CBL: variants seen among roughly 807,000 people sequenced by gnomAD.
The protein encoded by CBL is E3 ubiquitin-protein ligase CBL.
A neutral mutation model predicts 96.9 loss-of-function variants in CBL; 45 were observed. The observed-to-expected ratio is 0.46, with a 90% CI of 0.37 to 0.60. The LOEUF (loss-of-function observed/expected upper bound fraction) is 0.60, where lower values mean the gene tolerates loss of function less well. Ranked by LOEUF, CBL falls within the 20% of genes least tolerant of loss-of-function variation. CBL has a pLI of 0.00. For synonymous variants in CBL, 420 were observed against 426.8 expected, an observed-to-expected ratio of 0.98 and a Z score of 0.20; for missense variants, 1,024 against 1,143.5, an observed-to-expected ratio of 0.90 and a Z score of 1.51.
At position 119,304,860 on chromosome 11, in the gene CBL, C is replaced by CA. The variant is rs1428898924; in HGVS notation, c.*5080dup. ...AGGCTGGTCTTGAACTCCTGACCCT[C>CA]ATGATCCACCCACCTCGGCCTCCCA... On this transcript the variant is annotated 3_prime_UTR_variant, in exon 16 of 16. Transcript: ENST00000264033. 1.6e-5 allele frequency: 3 copies of CA among 188,868 alleles called. No homozygotes were observed. The highest frequency in any genetic ancestry group is 7.0e-5 in the African/African-American group (3 of 42,726). The allele number at this position is 188,868 out of a possible 1,614,324, so 11.7% of individuals were successfully genotyped here.
chr11:119,271,682 TTAAAA>T, intron 2 of CBL, 48 bp from the exon 3 acceptor site: 1 of 1,504,898 alleles, frequency 6.6e-7, no homozygotes, highest in Non-Finnish European at 9.2e-7. Context: ...TTTGGTGCAT[TTAAAA>T]TAAAAATAAT....
intron 11 of CBL, 110 bp from the exon 12 acceptor site, chr11:119,287,742 A>G: frequency 1.3e-6 from 1 of 765,462 alleles, no homozygotes; most frequent in South Asian, 1.4e-5. Context: ...TGGGCATGGC[A>G]TTGAGAGTTA....
intron 12 of CBL, among the ~76,000 whole-genome samples, chr11:119,293,748 A>G (rs982133402): frequency 2.6e-5 from 4 of 152,202 alleles, no homozygotes; most frequent in Middle Eastern, 3.2e-3. Flanking sequence ...TAATCTATAA[A>G]GAAAAGAAGT....
chr11:119,270,152 A>G (rs1404782230), intron 2 of CBL, among the ~76,000 whole-genome samples: 1 of 151,818 alleles, frequency 6.6e-6, no homozygotes. Flanking sequence ...CTGTGGCAAT[A>G]GCATTAAAGA....
At position 119,251,725 on chromosome 11, in the gene CBL, A is replaced by AC. The variant is rs36117652; in HGVS notation, c.443+19035dup. On this transcript the variant is annotated intron_variant, in intron 2 of 15. Transcript: ENST00000264033. ...ATTACAAAGAAACCCTCCTGCACCC[A>AC]CCCCCAAGAATCAGTGATAACTTTT... 8.9e-4 allele frequency among the ~76,000 whole-genome samples: 135 copies of AC among 152,220 alleles called. 1 individual carries two copies. In the East Asian group the frequency reaches 0.02, roughly 22 times the overall value.
chr11:119,236,622 T>TATATATATATATATACATAC, intron 2 of CBL, among the ~76,000 whole-genome samples: 1 of 144,356 alleles, frequency 6.9e-6, no homozygotes, highest in African/African-American at 2.6e-5. Flanking sequence ...TATATATATA[T>TATATATATATATATACATAC]ACCCATAGGA....
At chr11:119,244,241 T>C (rs1302025012) in intron 2 of CBL, among the ~76,000 whole-genome samples, 1 of 152,174 alleles carries the variant, frequency 6.6e-6, no homozygotes, top group Non-Finnish European at 1.5e-5. Context: ...AAAGTCACAG[T>C]TAGTTCTCAG....
chr11:119,274,834 C>T lies in CBL; in HGVS notation c.750C>T (p.Pro250=), dbSNP rs2135300477. 1 of 1,613,660 alleles carries T rather than the reference C, an allele frequency of 6.2e-7. No individual in the cohort carries two copies. The highest frequency in any genetic ancestry group is 8.5e-7 in the Non-Finnish European group (1 of 1,179,770). ...EFDIFTRLFQ[P]WSSLLRNWNS... ...TGTGATTGATCTTGTTTCTTTAGCC[C>T]TGGTCCTCTTTGCTCAGGAATTGGA... The change falls in exon 5 of 16, where the codon CCC becomes CCT. Residue 250 remains proline (P), a splice_region_variant and synonymous_variant. Transcript: ENST00000264033.
rs1950119516 is a variant in CBL at position 119,304,160 on chromosome 11, A to G, written c.*4379A>G. 4.3e-6 allele frequency: 1 copy of G among 233,260 alleles called. No homozygotes were observed. Among genetic ancestry groups the G allele is most frequent in the Non-Finnish European group, 8.5e-6 (1 of 118,062 alleles). The allele number at this position is 233,260 out of a possible 1,614,324, so 14.4% of individuals were successfully genotyped here. A position where few individuals can be genotyped will look rare whatever the true frequency, so the allele number is the denominator to read the frequency against. Reference sequence around the variant, plus strand: ...AGGGATTCTAAAGCTTAGTGTCCACACATCATTCTACCAGACCTTAGAGCT... The same window carrying G: ...AGGGATTCTAAAGCTTAGTGTCCACGCATCATTCTACCAGACCTTAGAGCT... On this transcript the variant is annotated 3_prime_UTR_variant, in exon 16 of 16. Coordinates refer to ENST00000264033, the MANE Select transcript of CBL (RefSeq NM_005188.4).
Position 119,301,733 on chromosome 11 carries a change from G to T in CBL, c.*1952G>T. On this transcript the variant is annotated 3_prime_UTR_variant, in exon 16 of 16. Transcript: ENST00000264033. ...ATAAAGCGGCAAAGCCCACCATTAG[G>T]TGAGGCGGTCCCGAGTTGAGGTAGA... 4.3e-6 allele frequency: 1 copy of T among 233,290 alleles called. No homozygotes were observed. Among genetic ancestry groups the T allele is most frequent in the East Asian group, 6.0e-5 (1 of 16,596 alleles). The allele number at this position is 233,290 out of a possible 1,614,324, so 14.5% of individuals were successfully genotyped here.
At chr11:119,238,424 G>A (rs1046819379) in intron 2 of CBL, among the ~76,000 whole-genome samples, 1 of 151,554 alleles carries the variant, frequency 6.6e-6, no homozygotes, top group African/African-American at 2.4e-5. Flanking sequence ...TGGCCAGGCT[G>A]GTCTCGAACT....
chr11:119,212,378 C>T (rs1198927608), intron 1 of CBL, among the ~76,000 whole-genome samples: 1 of 151,766 alleles, frequency 6.6e-6, no homozygotes, highest in Non-Finnish European at 1.5e-5. Flanking sequence ...ATAATCCCAG[C>T]ACTTTGGGAG....
Position 119,271,736 on chromosome 11 carries a change from C to T in CBL, c.445C>T (p.Arg149Ter), listed in dbSNP as rs267602720. 2 of 1,613,556 alleles carry T rather than the reference C, an allele frequency of 1.2e-6. No individual in the cohort carries two copies. Among genetic ancestry groups the T allele is most frequent in the South Asian group, 1.1e-5 (1 of 91,046 alleles). ...RMYEENSQPR[R>*]NLTKLSLIFS... ...TTATTGCATTCTGATCATTTGTAGG[C>T]GAAACCTAACCAAACTGTCCCTCAT... Residue 149 changes from arginine to a stop codon, truncating the protein, a stop_gained and splice_region_variant, in exon 3 of 16, where the codon CGA becomes TGA. Transcript: ENST00000264033. LOFTEE classifies it high-confidence loss of function.
rs1950154781 is a variant in CBL at position 119,307,546 on chromosome 11, C to G, written c.*7765C>G. On this transcript the variant is annotated 3_prime_UTR_variant, in exon 16 of 16. Coordinates refer to ENST00000264033, the MANE Select transcript of CBL (RefSeq NM_005188.4). Reference sequence around the variant, plus strand: ...GCCTGGTTTCCCCAGGGAAGGGCAGCAAGGAACATGGGACCAGAAGCCTGT... The same window carrying G: ...GCCTGGTTTCCCCAGGGAAGGGCAGGAAGGAACATGGGACCAGAAGCCTGT... The G allele has an allele frequency of 8.6e-6, 2 of 232,190 alleles. No individual in the cohort carries two copies. Among genetic ancestry groups the G allele is most frequent in the Non-Finnish European group, 1.7e-5 (2 of 117,220 alleles). The allele number at this position is 232,190 out of a possible 1,614,324, so 14.4% of individuals were successfully genotyped here.
intron 1 of CBL, among the ~76,000 whole-genome samples, chr11:119,219,368 C>T (rs1949389337): frequency 2.8e-5 from 4 of 142,018 alleles, no homozygotes. Flanking sequence ...CAGAGTGAGA[C>T]TCTGTCTCAA....
In CBL at chr11:119,284,210, G is replaced by T. The variant is rs531899860; in HGVS notation, c.1432-759G>T. 1.4e-3 allele frequency among the ~76,000 whole-genome samples: 218 copies of T among 151,908 alleles called. 2 individuals are homozygous for T. The highest frequency in any genetic ancestry group is 3.4e-3 in the Middle Eastern group (1 of 292). On this transcript the variant is annotated intron_variant, in intron 9 of 15. Coordinates refer to ENST00000264033, the MANE Select transcript of CBL (RefSeq NM_005188.4). ...AACCCATAGAGAATTCACCGTCATC[G>T]ATCTCTTTCTTTATTATGTCCCTTA...
intron 2 of CBL, among the ~76,000 whole-genome samples, chr11:119,244,202 TGGAAA>T (rs905030254): frequency 2.0e-5 from 3 of 152,186 alleles, no homozygotes; most frequent in Non-Finnish European, 4.4e-5. Context: ...CTAGAAAGAC[TGGAAA>T]ACTGGGTTAG....
intron 12 of CBL, among the ~76,000 whole-genome samples, chr11:119,291,125 G>A (rs995295297): frequency 2.6e-5 from 4 of 152,176 alleles, no homozygotes; most frequent in African/African-American, 9.7e-5. Flanking sequence ...GGCTGTGAGT[G>A]GTGGCTCACG....
Position 119,278,256 on chromosome 11 carries a change from T to A in CBL, c.1186T>A (p.Cys396Ser), listed in dbSNP as rs387906665. The change falls in exon 8 of 16, where the codon TGT (cysteine) becomes AGT (serine). Residue 396 changes from cysteine to serine, a missense_variant. Around this residue, in one of 4 missense-constraint regions of CBL, gnomAD observed 695 missense variants for 661.6 expected, o/e 1.05. Transcript: ENST00000264033. ...TGATAAGGATGTAAAGATTGAGCCC[T>A]GTGGACACCTCATGTGCACATCCTG... ...ENDKDVKIEP[C>S]GHLMCTSCLT... 6.2e-7 allele frequency: 1 copy of A among 1,613,984 alleles called. No homozygotes were observed. The highest frequency in any genetic ancestry group is 8.5e-7 in the Non-Finnish European group (1 of 1,179,828).
Sources: allele counts gnomAD v4.1 joint callset (sites outside exome capture counted in the v4.1 genomes callset), GRCh38; gene constraint gnomAD v4.1.1; regional missense constraint gnomAD v4.1.1; transcripts MANE v1.5; gene names NCBI Gene and HGNC (gene_info 2026-07-23, HGNC 2026-07-21).